TCERG1L: variants seen among roughly 807,000 people sequenced by gnomAD.
The protein encoded by TCERG1L is transcription elongation regulator 1-like protein.
In TCERG1L, 37 loss-of-function variants were observed where a neutral mutation model predicts 56.3. The ratio of observed to expected loss-of-function variants is 0.66; its 90% CI spans 0.51 to 0.87. The LOEUF is 0.87. TCERG1L is among the 40% of genes least tolerant of loss of function. The pLI is 0.00. For missense variants in TCERG1L, 799 were observed against 774.2 expected, an observed-to-expected ratio of 1.03 and a Z score of -0.38; for synonymous variants, 324 against 326.3, an observed-to-expected ratio of 0.99 and a Z score of 0.08.
intron 9 of TCERG1L, among the ~76,000 whole-genome samples, chr10:131,108,244 G>C (rs1416632685): frequency 1.3e-5 from 2 of 152,190 alleles, no homozygotes; most frequent in Non-Finnish European, 2.9e-5. Flanking sequence ...CCAGAAATAA[G>C]ACATCCTTCA....
intron 3 of TCERG1L, among the ~76,000 whole-genome samples, chr10:131,269,684 T>C (rs1589767608): frequency 6.6e-6 from 1 of 152,148 alleles, no homozygotes; most frequent in South Asian, 2.1e-4. Flanking sequence ...TCACTGATCA[T>C]AGATCACCAC....
chr10:131,129,269 T>C (rs1845594157), intron 8 of TCERG1L, among the ~76,000 whole-genome samples: 2 of 152,266 alleles, frequency 1.3e-5, no homozygotes, highest in Admixed American at 6.5e-5. Context: ...TTTGATAATG[T>C]TAAGGAATTA....
Position 131,118,970 on chromosome 10 carries a change from G to A in TCERG1L, c.1260-2036C>T, listed in dbSNP as rs1003212259. Among the ~76,000 whole-genome samples the A allele has an allele frequency of 6.6e-6, 1 of 152,156 alleles. No individual in the cohort carries two copies. Among genetic ancestry groups the A allele is most frequent in the Non-Finnish European group, 1.5e-5 (1 of 68,028 alleles). ...GCTGTGAAATGTCCTGCAATGCACA[G>A]GACAGCCCCCACCACGCAGGCTCAT... On this transcript the variant is annotated intron_variant, in intron 8 of 11. Transcript: ENST00000368642. The surrounding 1 kb of genome is among the most constrained non-coding windows in gnomAD (Gnocchi z 4.2).
At chr10:131,182,165 C>A (rs946872206) in intron 4 of TCERG1L, among the ~76,000 whole-genome samples, 2 of 152,212 alleles carry the variant, frequency 1.3e-5, no homozygotes, top group Non-Finnish European at 2.9e-5. Flanking sequence ...ATGTGTATAT[C>A]AAATATGCAG....
chr10:131,249,627 G>C (rs548465297), intron 4 of TCERG1L, among the ~76,000 whole-genome samples: 6 of 152,322 alleles, frequency 3.9e-5, no homozygotes, highest in African/African-American at 1.2e-4. Flanking sequence ...GAAAGCCTCA[G>C]AAGTAAGCTT....
At chr10:131,177,560 G>A (rs953214448) in intron 4 of TCERG1L, among the ~76,000 whole-genome samples, 2 of 152,240 alleles carry the variant, frequency 1.3e-5, no homozygotes, top group Admixed American at 6.5e-5. Context: ...GTCCCGAAGT[G>A]CAGCATGCCC....
intron 3 of TCERG1L, among the ~76,000 whole-genome samples, chr10:131,302,300 T>C (rs1396642619): frequency 6.6e-6 from 1 of 151,878 alleles, no homozygotes; most frequent in Non-Finnish European, 1.5e-5. Context: ...ACGGCTGGCT[T>C]TGCCCCATTT....
At chr10:131,256,992 G>GGAAAGGAAGAAA (rs1846173458) in intron 4 of TCERG1L, among the ~76,000 whole-genome samples, 3 of 59,170 alleles carry the variant, frequency 5.1e-5, no homozygotes, top group African/African-American at 1.7e-4. Flanking sequence ...AAGGAAGGAA[G>GGAAAGGAAGAAA]GAAAGAAAGA....
chr10:131,162,941 T>C (rs961110445), intron 6 of TCERG1L, 181 bp downstream of exon 6: 14 of 523,106 alleles, frequency 2.7e-5, no homozygotes, highest in Non-Finnish European at 4.4e-5. Flanking sequence ...TTAAATGCTG[T>C]TTTTTTCTTT....
chr10:131,238,971 C>T (rs1221803140), intron 4 of TCERG1L, among the ~76,000 whole-genome samples: 2 of 152,216 alleles, frequency 1.3e-5, no homozygotes, highest in African/African-American at 4.8e-5. Flanking sequence ...GCCTCCCTGC[C>T]TCCCTGCCTG....
intron 5 of TCERG1L, among the ~76,000 whole-genome samples, chr10:131,163,655 G>C (rs968781698): frequency 1.4e-4 from 22 of 152,130 alleles, no homozygotes; most frequent in African/African-American, 5.3e-4. Flanking sequence ...CTGTTAAGGC[G>C]GGAGGAGGCA....
chr10:131,242,508 T>A (rs913426319), intron 4 of TCERG1L, among the ~76,000 whole-genome samples: 3 of 152,132 alleles, frequency 2.0e-5, no homozygotes, highest in African/African-American at 7.2e-5. Context: ...TGATACTAAA[T>A]CACGGCACCA....
intron 8 of TCERG1L, among the ~76,000 whole-genome samples, chr10:131,133,407 T>C (rs1250278849): frequency 2.6e-5 from 4 of 152,216 alleles, no homozygotes; most frequent in Non-Finnish European, 5.9e-5. Context: ...GTTGCAGGCC[T>C]AGGGTATCCC....
chr10:131,236,528 T>G (rs2133516011), intron 4 of TCERG1L, among the ~76,000 whole-genome samples: 1 of 152,296 alleles, frequency 6.6e-6, no homozygotes, highest in Admixed American at 6.5e-5. Context: ...AAGGTGAAGT[T>G]CCACATTCAC....
intron 7 of TCERG1L, among the ~76,000 whole-genome samples, chr10:131,140,596 C>T (rs1438789094): frequency 6.6e-6 from 1 of 152,196 alleles, no homozygotes; most frequent in African/African-American, 2.4e-5. Context: ...CAGTGTTCTC[C>T]CAGGACTGTG....
At chr10:131,133,594 A>G (rs7905749) in intron 8 of TCERG1L, among the ~76,000 whole-genome samples, 51,034 of 151,864 alleles carry the variant, frequency 0.34, 9,128 homozygotes, top group South Asian at 0.44. Context: ...ACCCTTCTCT[A>G]CCAAACATGG....
At chr10:131,223,243 C>T (rs1048140140) in intron 4 of TCERG1L, among the ~76,000 whole-genome samples, 10 of 152,204 alleles carry the variant, frequency 6.6e-5, no homozygotes, top group Non-Finnish European at 7.3e-5. Flanking sequence ...CTGGGTGCCT[C>T]TCTTCCTCGG....
At chr10:131,200,667 T>C (rs1845422172) in intron 4 of TCERG1L, among the ~76,000 whole-genome samples, 1 of 152,212 alleles carries the variant, frequency 6.6e-6, no homozygotes, top group South Asian at 2.1e-4. Flanking sequence ...TAAAAGACTC[T>C]GCGCTTTTGA....
chr10:131,143,734 C>T (rs1056465654), intron 7 of TCERG1L, among the ~76,000 whole-genome samples: 2 of 152,150 alleles, frequency 1.3e-5, no homozygotes, highest in Non-Finnish European at 2.9e-5. Flanking sequence ...GGTAAGATCC[C>T]CGAGAACCGC....
Sources: allele counts gnomAD v4.1 joint callset (sites outside exome capture counted in the v4.1 genomes callset), GRCh38; gene constraint gnomAD v4.1.1; non-coding constraint Gnocchi (gnomAD v3.1); transcripts MANE v1.5; gene names NCBI Gene and HGNC (gene_info 2026-07-23, HGNC 2026-07-21).